The following FKTN variants were observed in gnomAD, a reference collection of about 807,000 sequenced individuals.
FKTN encodes fukutin.
A neutral mutation model predicts 58.6 loss-of-function variants in FKTN; 47 were observed. The ratio of observed to expected loss-of-function variants is 0.80; its 90% CI spans 0.63 to 1.02. The LOEUF (loss-of-function observed/expected upper bound fraction) is 1.02. FKTN is among the 50% of genes least tolerant of loss of function. The probability of loss-of-function intolerance (pLI) is 0.00; values close to 1 mark genes in which losing one functional copy is unlikely to be tolerated. For synonymous variants in FKTN, 178 were observed against 191.9 expected, an observed-to-expected ratio of 0.93 and a Z score of 0.60; for missense variants, 516 against 537.3, an observed-to-expected ratio of 0.96 and a Z score of 0.39.
intron 2 of FKTN, chr9:105,574,131 G>A (rs769527495): frequency 1.4e-4 from 21 of 152,056 alleles, no homozygotes; most frequent in East Asian, 5.8e-4. Context: ...ATTAATAAAA[G>A]TCAAGATTGA....
intron 3 of FKTN, among the ~76,000 whole-genome samples, chr9:105,583,885 C>G (rs563448606): frequency 1.2e-3 from 182 of 152,114 alleles, no homozygotes; most frequent in African/African-American, 4.0e-3. Flanking sequence ...TACATTTTTC[C>G]ACAATGATTA....
chr9:105,602,546 G>C (rs1828069731), intron 5 of FKTN, among the ~76,000 whole-genome samples: 1 of 152,016 alleles, frequency 6.6e-6, no homozygotes, highest in African/African-American at 2.4e-5. Context: ...TGTTTGTGTT[G>C]GGTTTTTTGT....
At chr9:105,574,299 ATG>A (rs1228903081) in intron 2 of FKTN, 1 of 152,174 alleles carries the variant, frequency 6.6e-6, no homozygotes, top group Non-Finnish European at 1.5e-5. Flanking sequence ...GAAGAACTAA[ATG>A]TGTTTAACCA....
Position 105,635,863 on chromosome 9 carries a change from A to G in FKTN, c.*599A>G. On this transcript the variant is annotated 3_prime_UTR_variant, in exon 11 of 11. Coordinates refer to ENST00000357998, the MANE Select transcript of FKTN (RefSeq NM_001079802.2). ...GCATTATTCTTTTAGGGAAGGTGAG[A>G]GCTTATTTGTATCAGAGCTTATTAC... The G allele has an allele frequency of 1.0e-6, 1 of 993,176 alleles. No homozygotes were observed. Among genetic ancestry groups the G allele is most frequent in the South Asian group, 4.5e-5 (1 of 22,242 alleles). 61.5% of individuals were successfully genotyped at this position (993,176 alleles called of 1,614,324 possible). A position where few individuals can be genotyped will look rare whatever the true frequency, so the allele number is the denominator to read the frequency against.
chr9:105,633,714 CT>C (rs1833753113), intron 10 of FKTN, among the ~76,000 whole-genome samples: 1 of 152,164 alleles, frequency 6.6e-6, no homozygotes, highest in South Asian at 2.1e-4. Context: ...GGAGTTGTTG[CT>C]TTCTTTAGAA....
intron 10 of FKTN, 129 bp downstream of exon 10, chr9:105,620,190 T>G: frequency 1.3e-6 from 1 of 747,580 alleles, no homozygotes; most frequent in Non-Finnish European, 2.2e-6. Context: ...AACACTTTCT[T>G]AGCTTACCCA....
At position 105,601,328 on chromosome 9, in the gene FKTN, T is replaced by C. The variant is rs1419918991; in HGVS notation, c.349T>C (p.Tyr117His). ...PRDFTAFALQ[Y>H]HLWKNEEGWF... is the part of the protein sequence containing the mutation. The stretch of plus-strand genomic sequence containing the variant: ...AGACTTTACTGCATTTGCACTGCAG[T>C]ATCACCTATGGAAGAATGAGGTAAG... The change falls in exon 5 of 11, where the codon TAT becomes CAT. Residue 117 changes from tyrosine to histidine, a missense_variant. By Grantham distance (83) the Tyr-to-His change is moderately conservative. Transcript: ENST00000357998. 6.2e-7 allele frequency: 1 copy of C among 1,607,770 alleles called. No homozygotes were observed. Among genetic ancestry groups the C allele is most frequent in the East Asian group, 2.2e-5 (1 of 44,790 alleles).
intron 3 of FKTN, among the ~76,000 whole-genome samples, chr9:105,578,960 A>G (rs1213540385): frequency 6.6e-6 from 1 of 151,680 alleles, no homozygotes. Flanking sequence ...ATTTGTGTAG[A>G]GGTGTTTATT....
intron 10 of FKTN, among the ~76,000 whole-genome samples, chr9:105,621,166 T>G (rs1831876381): frequency 6.6e-6 from 1 of 152,120 alleles, no homozygotes; most frequent in Non-Finnish European, 1.5e-5. Context: ...AGTGTTCTGA[T>G]TATTTAACAA....
intron 10 of FKTN, among the ~76,000 whole-genome samples, chr9:105,631,769 C>T (rs547536197): frequency 7.5e-5 from 11 of 147,248 alleles, no homozygotes; most frequent in African/African-American, 2.5e-4. Context: ...CAGGAAACAA[C>T]AGGTGCTGGA....
At position 105,624,966 on chromosome 9, in the gene FKTN, C is replaced by A. The variant is rs372385754; in HGVS notation, c.1172+4905C>A. On this transcript the variant is annotated intron_variant, in intron 10 of 10. Coordinates refer to ENST00000357998, the MANE Select transcript of FKTN (RefSeq NM_001079802.2). ...CTTAAAATGGGAATAACACTGCGTA[C>A]TTCACAGGGTATAATGCTTCGATTA... is the stretch of plus-strand genomic sequence containing the variant. Among the ~76,000 whole-genome samples, 118 of 152,272 alleles carry A rather than the reference C, an allele frequency of 7.7e-4. 2 individuals carry two copies. The South Asian group carries it at 0.023, about 30-fold the overall frequency.
intron 3 of FKTN, among the ~76,000 whole-genome samples, chr9:105,582,008 C>T (rs572457585): frequency 4.1e-4 from 62 of 152,308 alleles, no homozygotes; most frequent in African/African-American, 1.5e-3. Context: ...TGAGGCAATG[C>T]CTCGCCCTGC....
At chr9:105,581,606 A>G (rs1406409964) in intron 3 of FKTN, among the ~76,000 whole-genome samples, 2 of 152,096 alleles carry the variant, frequency 1.3e-5, no homozygotes, top group African/African-American at 4.8e-5. Flanking sequence ...TGCAGAGGTT[A>G]CTGCTGTCTT....
intron 1 of FKTN, among the ~76,000 whole-genome samples, chr9:105,566,427 A>G (rs1377767266): frequency 6.6e-6 from 1 of 152,164 alleles, no homozygotes; most frequent in Admixed American, 6.5e-5. Flanking sequence ...AAGAAAAGAG[A>G]GAAGAATGAA....
intron 1 of FKTN, among the ~76,000 whole-genome samples, chr9:105,559,622 T>G (rs1013017067): frequency 1.3e-5 from 2 of 151,630 alleles, no homozygotes; most frequent in African/African-American, 2.4e-5. Flanking sequence ...AGGCAGAGGT[T>G]GCAGTGAGCC....
chr9:105,585,447 T>C (rs1001096808), intron 3 of FKTN, among the ~76,000 whole-genome samples: 2 of 152,112 alleles, frequency 1.3e-5, no homozygotes, highest in Non-Finnish European at 2.9e-5. Context: ...TATGTACATA[T>C]GTAAAATAAA....
Position 105,619,987 on chromosome 9 carries a change from TG to T in FKTN, c.1099del (p.Val367PhefsTer39), listed in dbSNP as rs1554761310. On this transcript the variant is annotated frameshift_variant, in exon 10 of 11. Coordinates refer to ENST00000357998, the MANE Select transcript of FKTN (RefSeq NM_001079802.2). LOFTEE classifies it high-confidence loss of function. ...FQGKDDVKLD[V>X]FFFYEETDHM... ...AGGGAAAAGATGATGTAAAACTTGATGTTTTTTTCTTCTATGAAGAAACTGA... is the reference window on the plus strand; with the variant it reads ...AGGGAAAAGATGATGTAAAACTTGATTTTTTTTCTTCTATGAAGAAACTGA... 1 of 1,612,712 alleles carries T rather than the reference TG, an allele frequency of 6.2e-7. No homozygotes were observed. Among genetic ancestry groups the T allele is most frequent in the Non-Finnish European group, 8.5e-7 (1 of 1,178,938 alleles).
chr9:105,568,673 A>G (rs1397492893), intron 1 of FKTN, among the ~76,000 whole-genome samples: 5 of 152,194 alleles, frequency 3.3e-5, no homozygotes, highest in Non-Finnish European at 5.9e-5. Context: ...AAATAGGAAC[A>G]CTTTTACACT....
intron 5 of FKTN, among the ~76,000 whole-genome samples, chr9:105,602,134 G>A (rs1443167456): frequency 8.5e-5 from 13 of 152,162 alleles, no homozygotes; most frequent in Non-Finnish European, 7.4e-5. Context: ...AACAAAAAAA[G>A]TAAAATTGTC....
Sources: gnomAD v4.1 joint callset for allele counts (sites outside exome capture counted in the v4.1 genomes callset) on GRCh38, gnomAD v4.1.1 for gene constraint, MANE v1.5 for transcripts, NCBI Gene and HGNC (gene_info 2026-07-23, HGNC 2026-07-21) for gene names.